The following FAM13B variants were observed in gnomAD, a reference collection of about 807,000 sequenced individuals.
FAM13B encodes the protein family with sequence similarity 13 member B.
FAM13B carries 60 observed loss-of-function variants against 117.3 expected under a neutral mutation model. The observed-to-expected ratio is 0.51, with a 90% CI of 0.42 to 0.63. FAM13B has a LOEUF of 0.63. Among genes scored for constraint, FAM13B ranks in the 30% least tolerant of loss-of-function variants. The pLI, the probability that FAM13B is intolerant of heterozygous loss-of-function variation, is 0.00. For missense variants in FAM13B, 972 were observed against 1,091.9 expected, an observed-to-expected ratio of 0.89 and a Z score of 1.55; for synonymous variants, 332 against 356.1, an observed-to-expected ratio of 0.93 and a Z score of 0.76.
chr5:138,031,232 TA>T (rs34590720), intron 1 of FAM13B, among the ~76,000 whole-genome samples: 4 of 151,924 alleles, frequency 2.6e-5, no homozygotes, highest in Non-Finnish European at 4.4e-5. Context: ...GACATTCTAA[TA>T]AAAAAAACTA....
At chr5:138,026,181 T>C (rs1788303529) in intron 1 of FAM13B, among the ~76,000 whole-genome samples, 1 of 152,204 alleles carries the variant, frequency 6.6e-6, no homozygotes. Flanking sequence ...ATTTTACTGA[T>C]GAGAAAACTG....
At chr5:138,014,221 G>A (rs1784737481) in intron 4 of FAM13B, among the ~76,000 whole-genome samples, 1 of 152,208 alleles carries the variant, frequency 6.6e-6, no homozygotes, top group Non-Finnish European at 1.5e-5. Flanking sequence ...ACAGGCGTGA[G>A]TCCCCACGCC....
upstream of FAM13B, among the ~76,000 whole-genome samples, chr5:138,035,883 A>G (rs1392627301): frequency 6.6e-6 from 1 of 152,124 alleles, no homozygotes; most frequent in Non-Finnish European, 1.5e-5. Flanking sequence ...TTATTTTTTC[A>G]TGGATACCTC....
At chr5:137,970,004 G>A (rs1276778762) in intron 10 of FAM13B, among the ~76,000 whole-genome samples, 20 of 152,160 alleles carry the variant, frequency 1.3e-4, no homozygotes, top group Non-Finnish European at 2.2e-4. Flanking sequence ...TGCAAGTGAC[G>A]GGGAGAATGG....
rs545625088 is a variant in FAM13B at position 138,009,000 on chromosome 5, G to A, written c.691-1853C>T. On this transcript the variant is annotated intron_variant, in intron 6 of 23. Transcript: ENST00000689681. ...TATACTAAAAATACAAAAATTAGCCGGATGTGGTGGCATGTGCCCGTAATC... is the reference window on the plus strand; with the variant it reads ...TATACTAAAAATACAAAAATTAGCCAGATGTGGTGGCATGTGCCCGTAATC... Among the ~76,000 whole-genome samples, 9 of 152,232 alleles carry A rather than the reference G, an allele frequency of 5.9e-5. No homozygotes were observed. In the South Asian group the frequency reaches 6.2e-4, roughly 11 times the overall value.
At chr5:138,042,917 C>A (rs961724121) in intron 1 of FAM13B, among the ~76,000 whole-genome samples, 7 of 152,072 alleles carry the variant, frequency 4.6e-5, no homozygotes, top group Admixed American at 2.0e-4. Flanking sequence ...CATGGTGAAA[C>A]CCTGTTTCTA....
chr5:137,985,508 C>T (rs1179777667), intron 9 of FAM13B, 119 bp from the exon 10 acceptor site: 1 of 987,830 alleles, frequency 1.0e-6, no homozygotes, highest in Non-Finnish European at 1.5e-6. Flanking sequence ...AAAATGTGTA[C>T]CTTTCACAAA....
At chr5:137,963,520 A>G (rs1468583302) in intron 10 of FAM13B, among the ~76,000 whole-genome samples, 1 of 152,252 alleles carries the variant, frequency 6.6e-6, no homozygotes, top group Non-Finnish European at 1.5e-5. Flanking sequence ...ACCTATGTAA[A>G]CAAAAGCTCT....
intron 13 of FAM13B, among the ~76,000 whole-genome samples, chr5:137,957,036 C>G (rs1246321967): frequency 1.3e-5 from 2 of 152,188 alleles, no homozygotes; most frequent in Non-Finnish European, 2.9e-5. Context: ...TACCTGCTTG[C>G]TAACTACTAC....
At chr5:137,966,895 C>A (rs977357122) in intron 10 of FAM13B, among the ~76,000 whole-genome samples, 2 of 152,090 alleles carry the variant, frequency 1.3e-5, no homozygotes, top group Non-Finnish European at 2.9e-5. Flanking sequence ...ATATATTATA[C>A]AAAAAATTAC....
intron 7 of FAM13B, among the ~76,000 whole-genome samples, chr5:137,992,448 G>A (rs1317406967): frequency 1.3e-5 from 2 of 151,728 alleles, no homozygotes; most frequent in African/African-American, 2.4e-5. Context: ...ACAAAAATTA[G>A]CCGCGCATGG....
At chr5:138,008,993 A>C (rs1056812354) in intron 6 of FAM13B, among the ~76,000 whole-genome samples, 12 of 152,190 alleles carry the variant, frequency 7.9e-5, no homozygotes, top group African/African-American at 2.9e-4. Context: ...AAATACAAAA[A>C]TTAGCCGGAT....
chr5:137,962,153 T>A (rs1028247351), intron 11 of FAM13B, among the ~76,000 whole-genome samples: 1 of 152,198 alleles, frequency 6.6e-6, no homozygotes, highest in Non-Finnish European at 1.5e-5. Flanking sequence ...ACTGAAAGAT[T>A]TAAATGTCTC....
chr5:137,998,414 G>T (rs1780373908), intron 7 of FAM13B, among the ~76,000 whole-genome samples: 1 of 152,136 alleles, frequency 6.6e-6, no homozygotes, highest in South Asian at 2.1e-4. Flanking sequence ...TTAATATTCA[G>T]TGTAAAAGGG....
chr5:138,011,722 A>G, intron 5 of FAM13B, 46 bp downstream of exon 5: 3 of 1,450,222 alleles, frequency 2.1e-6, no homozygotes, highest in South Asian at 1.2e-5. Context: ...CCGGCCTCAC[A>G]TATCTAATTT....
At chr5:137,969,332 C>A (rs1290972994) in intron 10 of FAM13B, among the ~76,000 whole-genome samples, 2 of 152,208 alleles carry the variant, frequency 1.3e-5, no homozygotes, top group African/African-American at 4.8e-5. Flanking sequence ...AACTGGGAGG[C>A]ACCCCCAGCA....
chr5:138,045,245 A>C (rs1391754405), intron 1 of FAM13B, among the ~76,000 whole-genome samples: 2 of 152,210 alleles, frequency 1.3e-5, no homozygotes, highest in Non-Finnish European at 2.9e-5. Flanking sequence ...GAATGAGAAA[A>C]GAATGAGGCC....
At chr5:137,955,522 A>G (rs1246705955) in intron 14 of FAM13B, among the ~76,000 whole-genome samples, 1 of 152,220 alleles carries the variant, frequency 6.6e-6, no homozygotes, top group East Asian at 1.9e-4. Context: ...ATGTTTGATT[A>G]CATATAGAAC....
intron 6 of FAM13B, among the ~76,000 whole-genome samples, chr5:138,008,609 T>C (rs1783140561): frequency 6.6e-6 from 1 of 152,230 alleles, no homozygotes; most frequent in Non-Finnish European, 1.5e-5. Flanking sequence ...ACAGAGCTGG[T>C]TGAAAGGATT....
Sources: gnomAD v4.1 joint callset for allele counts (sites outside exome capture counted in the v4.1 genomes callset) on GRCh38, gnomAD v4.1.1 for gene constraint, MANE v1.5 for transcripts, NCBI Gene and HGNC (gene_info 2026-07-23, HGNC 2026-07-21) for gene names.